The following CHODL variants were observed in gnomAD, a reference collection of about 807,000 sequenced individuals.
CHODL encodes the protein chondrolectin.
A neutral mutation model predicts 34.5 loss-of-function variants in CHODL; 29 were observed. That is an observed-to-expected ratio of 0.84 (90% CI 0.63 to 1.15). CHODL has a LOEUF of 1.15. CHODL is among the 50% of genes most tolerant of loss of function. The probability of loss-of-function intolerance (pLI) is 0.00; values close to 1 mark genes in which losing one functional copy is unlikely to be tolerated. For missense variants in CHODL, 332 were observed against 332.5 expected (o/e 1.00, Z 0.01); for synonymous variants, 125 against 116.1 (o/e 1.08, Z -0.49).
At chr21:17,977,258 T>G (rs755929682) in intron 1 of CHODL, among the ~76,000 whole-genome samples, 13 of 152,148 alleles carry the variant, frequency 8.5e-5, no homozygotes, top group Non-Finnish European at 1.5e-4. Context: ...CTTGCCACTG[T>G]CAGAAAAAGC....
At chr21:18,243,577 A>G (rs972598608), upstream of CHODL, among the ~76,000 whole-genome samples, 4 of 150,404 alleles carry the variant, frequency 2.7e-5, no homozygotes, top group African/African-American at 7.4e-5. Flanking sequence ...AGGATTTTGC[A>G]TGTCCCCAAA....
rs1042599757 is a variant in CHODL, at chr21:18,234,450, T to C, written c.-44-22059T>C. Among the ~76,000 whole-genome samples the C allele has an allele frequency of 3.3e-5, 5 of 152,160 alleles. No individual in the cohort carries two copies. The East Asian group carries it at 9.7e-4, about 29-fold the overall frequency. On this transcript the variant is annotated intron_variant, in intron 2 of 6. Transcript: ENST00000400127. ...TTCTCTCTGGTACATGTTTTTTTCC[T>C]ACCTTTTCAGTCCTCTTCAAAGCTT...
intron 1 of CHODL, among the ~76,000 whole-genome samples, chr21:18,251,966 T>C (rs2074262199): frequency 6.6e-6 from 1 of 151,816 alleles, no homozygotes; most frequent in Admixed American, 6.6e-5. Context: ...CAGAAAAACT[T>C]ACATATTTAA....
intron 1 of CHODL, among the ~76,000 whole-genome samples, chr21:18,016,578 C>T (rs1212381543): frequency 6.6e-6 from 1 of 152,202 alleles, no homozygotes; most frequent in African/African-American, 2.4e-5. Flanking sequence ...CATGGAGGAC[C>T]TGTACTTGGG....
intron 1 of CHODL, among the ~76,000 whole-genome samples, chr21:17,978,591 G>A (rs914240651): frequency 1.3e-5 from 2 of 151,682 alleles, no homozygotes; most frequent in Non-Finnish European, 2.9e-5. Context: ...GGTGGCGGGT[G>A]CCTGTAGTTC....
At chr21:17,925,005 T>C (rs573863251) in intron 1 of CHODL, among the ~76,000 whole-genome samples, 2 of 152,134 alleles carry the variant, frequency 1.3e-5, no homozygotes, top group Admixed American at 6.5e-5. Flanking sequence ...AAGGCAAATA[T>C]TATAAAAAGA....
Position 18,172,214 on chromosome 21 carries a change from G to A in CHODL, c.-44-84295G>A, listed in dbSNP as rs988714109. 2.6e-5 allele frequency among the ~76,000 whole-genome samples: 4 copies of A among 152,188 alleles called. No homozygotes were observed. In the East Asian group the frequency reaches 7.7e-4, roughly 29 times the overall value. ...CAGTTATTATCCCTGCTTTAAGCAGGTGTTGTGTTAGACAGTTGCCACTGT... is the reference window on the plus strand; with the variant it reads ...CAGTTATTATCCCTGCTTTAAGCAGATGTTGTGTTAGACAGTTGCCACTGT... On this transcript the variant is annotated intron_variant, in intron 2 of 6. Coordinates refer to the CHODL transcript ENST00000400127.
intron 2 of CHODL, among the ~76,000 whole-genome samples, chr21:18,070,887 CCTT>C (rs2064795735): frequency 6.6e-6 from 1 of 151,182 alleles, no homozygotes; most frequent in Non-Finnish European, 1.5e-5. Context: ...ATTATAGTAT[CCTT>C]TTTTTTTTTG....
intron 1 of CHODL, among the ~76,000 whole-genome samples, chr21:18,016,967 C>G (rs989608392): frequency 6.6e-5 from 10 of 152,228 alleles, no homozygotes; most frequent in Non-Finnish European, 1.3e-4. Flanking sequence ...GCCAATTTAT[C>G]CCATTTGGAA....
intron 1 of CHODL, among the ~76,000 whole-genome samples, chr21:18,013,563 C>A (rs2064039433): frequency 6.8e-6 from 1 of 146,350 alleles, no homozygotes; most frequent in Non-Finnish European, 1.5e-5. Flanking sequence ...ATTTTGTTTT[C>A]TTTATTGTGT....
At position 17,941,768 on chromosome 21, in the gene CHODL, A is replaced by G. The variant is rs1212112182; in HGVS notation, c.-145+24368A>G. Among the ~76,000 whole-genome samples, 3 of 152,364 alleles carry G rather than the reference A, an allele frequency of 2.0e-5. No individual in the cohort carries two copies. The East Asian group carries it at 5.8e-4, about 29-fold the overall frequency. Reference sequence around the variant, plus strand: ...ACCATAAACTGGGTAGCTTATAAACAACAGAAATTTATTTCTCACAGTTCT... The same window carrying G: ...ACCATAAACTGGGTAGCTTATAAACGACAGAAATTTATTTCTCACAGTTCT... On this transcript the variant is annotated intron_variant, in intron 1 of 6. Transcript: ENST00000400127.
intron 2 of CHODL, among the ~76,000 whole-genome samples, chr21:18,137,646 AAAATTGTCATTTACCTCTG>A (rs60143317): frequency 0.078 from 11,836 of 152,168 alleles, 1,445 homozygotes; most frequent in African/African-American, 0.26. Context: ...TTTCTTAAAC[AAAATTGTCATTTACCTCTG>A]AAGCAGATGC....
At chr21:17,932,537 C>G (rs535004708) in intron 1 of CHODL, among the ~76,000 whole-genome samples, 15 of 152,244 alleles carry the variant, frequency 9.9e-5, no homozygotes, top group African/African-American at 3.6e-4. Flanking sequence ...TTCACAATAG[C>G]AAAGTCGTGA....
At chr21:18,262,693 T>G in intron 4 of CHODL, 98 bp from the exon 5 acceptor site, 1 of 708,606 alleles carries the variant, frequency 1.4e-6, no homozygotes, top group Non-Finnish European at 2.5e-6. Flanking sequence ...TTATTGAAAA[T>G]TCTATTTCAC....
intron 2 of CHODL, among the ~76,000 whole-genome samples, chr21:18,041,850 CT>C (rs979112175): frequency 9.8e-4 from 149 of 151,922 alleles, no homozygotes; most frequent in African/African-American, 3.5e-3. Context: ...AATTTTATGG[CT>C]TTTATATGTG....
chr21:17,935,399 A>G (rs910738584), intron 1 of CHODL, among the ~76,000 whole-genome samples: 22 of 152,082 alleles, frequency 1.4e-4, no homozygotes, highest in African/African-American at 5.3e-4. Context: ...TAGCTTGAGA[A>G]CCCACAGTCT....
At chr21:17,958,255 A>T (rs934646830) in intron 1 of CHODL, among the ~76,000 whole-genome samples, 1 of 152,060 alleles carries the variant, frequency 6.6e-6, no homozygotes, top group Non-Finnish European at 1.5e-5. Flanking sequence ...TTTTCTCCAA[A>T]TGATAGTTTT....
At chr21:17,965,473 T>C (rs1010356336) in intron 1 of CHODL, among the ~76,000 whole-genome samples, 2 of 152,034 alleles carry the variant, frequency 1.3e-5, no homozygotes, top group Admixed American at 1.3e-4. Context: ...TCTTCCTCCT[T>C]CTTATTATTA....
chr21:17,921,937 T>G (rs776634564), intron 1 of CHODL, among the ~76,000 whole-genome samples: 26 of 152,170 alleles, frequency 1.7e-4, no homozygotes, highest in Admixed American at 4.6e-4. Flanking sequence ...AAATTTCTAT[T>G]TTTTCCAAGA....
Sources: allele counts gnomAD v4.1 joint callset (sites outside exome capture counted in the v4.1 genomes callset), GRCh38; gene constraint gnomAD v4.1.1; transcripts MANE v1.5; gene names NCBI Gene and HGNC (gene_info 2026-07-23, HGNC 2026-07-21).